ADPGK: variants seen among roughly 807,000 people sequenced by gnomAD.
ADPGK encodes ADP-dependent glucokinase.
ADPGK carries 26 observed loss-of-function variants against 42.4 expected under a neutral mutation model. The ratio of observed to expected loss-of-function variants is 0.61; its 90% CI spans 0.45 to 0.85. The LOEUF (loss-of-function observed/expected upper bound fraction) is 0.85, where lower values mean the gene tolerates loss of function less well. ADPGK is among the 40% of genes least tolerant of loss of function. The pLI, the probability that ADPGK is intolerant of heterozygous loss-of-function variation, is 0.00. For missense variants in ADPGK, 571 were observed against 627.0 expected (o/e 0.91, Z 0.95); for synonymous variants, 267 against 252.6 (o/e 1.06, Z -0.54).
intron 1 of ADPGK, chr15:72,783,120 G>T (rs557705605): frequency 1.3e-6 from 1 of 776,294 alleles, no homozygotes; most frequent in Non-Finnish European, 1.6e-6. Context: ...GTAAGGTCAA[G>T]TATCTTTGAT....
intron 1 of ADPGK, chr15:72,782,977 A>G (rs571038990): frequency 1.4e-4 from 22 of 155,590 alleles, no homozygotes; most frequent in Non-Finnish European, 2.4e-4. Context: ...AAGATTCAAA[A>G]AGGCAAATCT....
Position 72,759,720 on chromosome 15 carries a change from G to A in ADPGK, c.643+687C>T, listed in dbSNP as rs377471972. Among the ~76,000 whole-genome samples the A allele has an allele frequency of 6.2e-4, 95 of 152,324 alleles. 3 individuals are homozygous for A. The East Asian group carries it at 0.017, about 27-fold the overall frequency. ...TTGAATCAGAAACTCAAGAGTCTGA[G>A]TTCTGAGCAGAGGGAAAATTACAGC... On this transcript the variant is annotated intron_variant, in intron 4 of 6. Transcript: ENST00000456471.
chr15:72,774,627 C>T (rs2066367816), intron 2 of ADPGK, among the ~76,000 whole-genome samples: 1 of 152,104 alleles, frequency 6.6e-6, no homozygotes. Context: ...GGTCCCATCC[C>T]ACATCTACTG....
intron 1 of ADPGK, chr15:72,783,219 G>T: frequency 8.1e-7 from 1 of 1,227,780 alleles, no homozygotes; most frequent in Non-Finnish European, 1.0e-6. Context: ...AGCGGGATTA[G>T]CAAGAAGCTG....
intron 1 of ADPGK, among the ~76,000 whole-genome samples, chr15:72,780,498 T>G (rs1399369211): frequency 6.6e-6 from 1 of 152,180 alleles, no homozygotes. Context: ...TTAGTTGTTA[T>G]AAGATATTTA....
intron 5 of ADPGK, 87 bp from the exon 6 acceptor site, chr15:72,755,741 TTCC>T: frequency 9.6e-7 from 1 of 1,046,130 alleles, no homozygotes; most frequent in Non-Finnish European, 1.4e-6. Context: ...TGAGAGGCGG[TTCC>T]TCCTGGTAAT....
At position 72,783,688 on chromosome 15, in the gene ADPGK, C is replaced by T. The variant is rs1033761066; in HGVS notation, c.4G>A (p.Ala2Thr). The change falls in exon 1 of 7, where the codon GCG becomes ACG. Residue 2 changes from alanine to threonine, a missense_variant. Ala to Thr is a moderately conservative substitution (Grantham distance 58). Transcript: ENST00000456471. M[A>T]LWRGSAYAGF... ...GCGTACGCGGAGCCGCGCCACAGCG[C>T]CATGGGGACCCAGGCGCCGCACCTG... 5.4e-6 allele frequency: 8 copies of T among 1,478,016 alleles called. No homozygotes were observed. The highest frequency in any genetic ancestry group is 7.1e-6 in the Non-Finnish European group (8 of 1,121,058). The allele number at this position is 1,478,016 out of a possible 1,614,324, so 91.6% of individuals were successfully genotyped here. A position where few individuals can be genotyped will look rare whatever the true frequency, so the allele number is the denominator to read the frequency against.
intron 3 of ADPGK, among the ~76,000 whole-genome samples, chr15:72,765,663 T>C (rs1211650945): frequency 6.6e-6 from 1 of 152,220 alleles, no homozygotes; most frequent in East Asian, 1.9e-4. Context: ...TCTAACCCTC[T>C]TGGACGCCTT....
Position 72,781,613 on chromosome 15 carries a change from G to C in ADPGK, c.233+1846C>G, listed in dbSNP as rs74446263. On this transcript the variant is annotated intron_variant, in intron 1 of 6. Coordinates refer to ENST00000456471, the MANE Select transcript of ADPGK (RefSeq NM_001365225.1). ...ACTGATGCTCCTCCCATCAAGGTTT[G>C]TTCTATGTCCCCTCCCTTAAAACCA... Among the ~76,000 whole-genome samples, 559 of 152,290 alleles carry C rather than the reference G, an allele frequency of 3.7e-3. 1 individual carries two copies. The highest frequency in any genetic ancestry group is 0.013 in the African/African-American group (541 of 41,566).
At chr15:72,768,262 GTTAT>G (rs1380842571) in intron 3 of ADPGK, among the ~76,000 whole-genome samples, 2 of 151,108 alleles carry the variant, frequency 1.3e-5, no homozygotes, top group Admixed American at 1.3e-4. Context: ...AAAGAAATCA[GTTAT>G]TTAAAATCTT....
At chr15:72,781,511 G>A (rs2066457851) in intron 1 of ADPGK, among the ~76,000 whole-genome samples, 1 of 152,226 alleles carries the variant, frequency 6.6e-6, no homozygotes, top group Non-Finnish European at 1.5e-5. Context: ...TCCTATGAAA[G>A]TCACTGTAGT....
chr15:72,758,341 C>T (rs892899179), intron 4 of ADPGK: 7 of 632,660 alleles, frequency 1.1e-5, no homozygotes, highest in Non-Finnish European at 2.0e-5. Flanking sequence ...GCCAGTAAGT[C>T]AGCAAAACCT....
intron 1 of ADPGK, chr15:72,783,063 C>T (rs117531501): frequency 0.029 from 9,229 of 315,988 alleles, 158 homozygotes; most frequent in Non-Finnish European, 0.035. Flanking sequence ...AGACATCACG[C>T]GTCTTCAAGA....
chr15:72,756,751 A>ATGTC, intron 4 of ADPGK: 1 of 407,078 alleles, frequency 2.5e-6, no homozygotes. Context: ...CAGGAGAGAC[A>ATGTC]GTACAGAATG....
chr15:72,769,716 T>G (rs1252611649), intron 3 of ADPGK, among the ~76,000 whole-genome samples: 1 of 152,206 alleles, frequency 6.6e-6, no homozygotes, highest in African/African-American at 2.4e-5. Flanking sequence ...TTCACCAGCG[T>G]CTATTTCAAA....
intron 4 of ADPGK, among the ~76,000 whole-genome samples, chr15:72,760,058 T>C (rs1420182972): frequency 1.3e-5 from 2 of 152,244 alleles, no homozygotes; most frequent in Non-Finnish European, 2.9e-5. Context: ...GAATGGATGC[T>C]ACCTGCCTTT....
intron 5 of ADPGK, chr15:72,755,952 C>T (rs1400044201): frequency 1.5e-6 from 1 of 651,252 alleles, no homozygotes; most frequent in Middle Eastern, 2.4e-4. Context: ...TGAGATGATA[C>T]AAATAACACA....
intron 3 of ADPGK, among the ~76,000 whole-genome samples, chr15:72,764,130 T>A (rs2066228635): frequency 6.6e-6 from 1 of 152,178 alleles, no homozygotes; most frequent in African/African-American, 2.4e-5. Context: ...ATCACACATC[T>A]CTAACTTTAA....
chr15:72,774,878 T>G lies in ADPGK; in HGVS notation c.453A>C (p.Gly151=), dbSNP rs372426890. ...DIAQVASEFP[G]AQHYVGGNAA... is the part of the protein sequence containing the mutation. ...ATTGCTGAACCAAACAGACCTGGGC[T>G]CCTGGGAACTCTGATGCAACCTGGG... is the stretch of plus-strand genomic sequence containing the variant. The change falls in exon 2 of 7, where the codon GGA becomes GGC. Residue 151 remains glycine, a synonymous_variant. Transcript: ENST00000456471. The G allele has an allele frequency of 6.2e-7, 1 of 1,611,626 alleles. No individual in the cohort carries two copies.
Sources: allele counts gnomAD v4.1 joint callset (sites outside exome capture counted in the v4.1 genomes callset), GRCh38; gene constraint gnomAD v4.1.1; transcripts MANE v1.5; gene names NCBI Gene and HGNC (gene_info 2026-07-23, HGNC 2026-07-21).